Variants in FAM13C observed in about 807,000 individuals in gnomAD.
The protein encoded by FAM13C is protein FAM13C.
In FAM13C, 37 loss-of-function variants were observed where a neutral mutation model predicts 73.2. The observed-to-expected ratio is 0.51, with a 90% CI of 0.39 to 0.67. FAM13C has a LOEUF of 0.67. Among genes scored for constraint, FAM13C ranks in the 30% least tolerant of loss-of-function variants. The pLI is 0.00. For missense variants in FAM13C, 589 were observed against 715.6 expected, an observed-to-expected ratio of 0.82 and a Z score of 2.02; for synonymous variants, 246 against 260.9, an observed-to-expected ratio of 0.94 and a Z score of 0.55.
chr10:59,278,215 C>T (rs923441666), intron 6 of FAM13C, among the ~76,000 whole-genome samples: 3 of 152,182 alleles, frequency 2.0e-5, no homozygotes, highest in African/African-American at 7.2e-5. Flanking sequence ...GTCCCTCCCA[C>T]AACACATGGG....
At chr10:59,275,362 AAG>A (rs1844207023) in intron 6 of FAM13C, among the ~76,000 whole-genome samples, 1 of 152,174 alleles carries the variant, frequency 6.6e-6, no homozygotes, top group African/African-American at 2.4e-5. Context: ...AAGGAACTCG[AAG>A]AGACAGGACA....
intron 5 of FAM13C, among the ~76,000 whole-genome samples, chr10:59,295,079 C>G (rs1419048803): frequency 6.6e-6 from 1 of 152,238 alleles, no homozygotes; most frequent in Non-Finnish European, 1.5e-5. Context: ...GCACATGCCC[C>G]AAGCCAGATA....
At chr10:59,318,257 C>G (rs1849772219) in intron 4 of FAM13C, among the ~76,000 whole-genome samples, 2 of 138,698 alleles carry the variant, frequency 1.4e-5, no homozygotes, top group Admixed American at 1.4e-4. Flanking sequence ...ATCAAATGAC[C>G]AAGGGTAATC....
chr10:59,316,388 CAAATAT>C (rs1439557460), intron 4 of FAM13C, among the ~76,000 whole-genome samples: 1 of 152,106 alleles, frequency 6.6e-6, no homozygotes, highest in African/African-American at 2.4e-5. Flanking sequence ...GCAATAAATA[CAAATAT>C]AAATCCTATA....
intron 10 of FAM13C, among the ~76,000 whole-genome samples, chr10:59,258,800 C>T (rs1395190807): frequency 1.3e-5 from 2 of 152,032 alleles, no homozygotes; most frequent in Non-Finnish European, 2.9e-5. Flanking sequence ...ACTGTCTTTC[C>T]AACCAACAAC....
At chr10:59,299,753 T>C (rs993643266) in intron 5 of FAM13C, among the ~76,000 whole-genome samples, 1 of 152,128 alleles carries the variant, frequency 6.6e-6, no homozygotes, top group Admixed American at 6.6e-5. Flanking sequence ...ATCTCAAGTC[T>C]AGAATATTTT....
intron 4 of FAM13C, 39 bp from the exon 5 acceptor site, chr10:59,302,903 A>G: frequency 1.3e-6 from 2 of 1,587,050 alleles, no homozygotes; most frequent in Non-Finnish European, 1.7e-6. Flanking sequence ...ATTTAAAAGA[A>G]ACGTTTCAGT....
Position 59,268,687 on chromosome 10 carries a change from G to A in FAM13C, c.808C>T (p.Arg270Trp), listed in dbSNP as rs199908790. The A allele has an allele frequency of 9.1e-5, 147 of 1,611,550 alleles. 1 individual carries two copies. The East Asian group carries it at 1.9e-3, about 21-fold the overall frequency. The stretch of plus-strand genomic sequence containing the variant: ...CCACAGCTGCAGCGTGAAGAACTCC[G>A]CGGCCTGCAGTGATTACAAGGAGGA... ...PPSTQQFMMP[R>W]SSSRCSCGDG... The change falls in exon 8 of 14, where the codon CGG becomes TGG. Residue 270 changes from arginine to tryptophan, a missense_variant. Physicochemically the swap from Arg to Trp is moderately radical, Grantham distance 101 (BLOSUM62 -3). Transcript: ENST00000618804.
intron 1 of FAM13C, among the ~76,000 whole-genome samples, chr10:59,362,072 T>C (rs1384469524): frequency 6.6e-6 from 1 of 152,186 alleles, no homozygotes; most frequent in Admixed American, 6.5e-5. Context: ...CTGACACCAA[T>C]GTTGGCAAAA....
Position 59,271,553 on chromosome 10 carries a change from A to G in FAM13C, c.593-1444T>C, listed in dbSNP as rs1483164708. Among the ~76,000 whole-genome samples, 9 of 152,214 alleles carry G rather than the reference A, an allele frequency of 5.9e-5. No individual in the cohort carries two copies. The East Asian group carries it at 1.7e-3, about 29-fold the overall frequency. On this transcript the variant is annotated intron_variant, in intron 6 of 13. Transcript: ENST00000618804. ...AGGCAAATGGCAGTGCCTCCAGCCCAAGACAAGGTGTAATGGTGTGACTGA... is the reference window on the plus strand; with the variant it reads ...AGGCAAATGGCAGTGCCTCCAGCCCGAGACAAGGTGTAATGGTGTGACTGA...
At chr10:59,301,504 G>A (rs1174018328) in intron 5 of FAM13C, among the ~76,000 whole-genome samples, 2 of 152,122 alleles carry the variant, frequency 1.3e-5, no homozygotes, top group African/African-American at 4.8e-5. Context: ...CTGAGATTTG[G>A]GAATGTTCAA....
chr10:59,292,616 T>G (rs555825901), intron 5 of FAM13C, among the ~76,000 whole-genome samples: 2 of 152,384 alleles, frequency 1.3e-5, no homozygotes, highest in African/African-American at 2.4e-5. Flanking sequence ...ACATGCCATA[T>G]GAAATAACAT....
At chr10:59,260,905 A>G (rs1476043782) in intron 10 of FAM13C, among the ~76,000 whole-genome samples, 3 of 152,192 alleles carry the variant, frequency 2.0e-5, no homozygotes, top group African/African-American at 7.2e-5. Context: ...GAGGAAGTTG[A>G]ATCTCAGAGA....
chr10:59,264,213 A>C, intron 8 of FAM13C, 47 bp from the exon 9 acceptor site: 21 of 811,998 alleles, frequency 2.6e-5, no homozygotes, highest in Non-Finnish European at 4.0e-5. Flanking sequence ...GGAAGGAGGG[A>C]GAGGGTGGGG....
At chr10:59,314,576 G>A (rs1232146228) in intron 4 of FAM13C, among the ~76,000 whole-genome samples, 1 of 152,126 alleles carries the variant, frequency 6.6e-6, no homozygotes, top group African/African-American at 2.4e-5. Context: ...TCAATAGGCT[G>A]GGTTTGGCCA....
At chr10:59,315,783 T>C (rs1054678488) in intron 4 of FAM13C, among the ~76,000 whole-genome samples, 3 of 152,146 alleles carry the variant, frequency 2.0e-5, no homozygotes, top group Non-Finnish European at 2.9e-5. Context: ...TTAAACTGGA[T>C]TGTCTCCAAC....
chr10:59,284,370 C>G (rs2133701761), intron 5 of FAM13C, among the ~76,000 whole-genome samples: 1 of 152,148 alleles, frequency 6.6e-6, no homozygotes, highest in East Asian at 1.9e-4. Context: ...CGAGAAGGTT[C>G]TGCAGGTCTC....
intron 3 of FAM13C, among the ~76,000 whole-genome samples, chr10:59,341,454 G>A (rs541103490): frequency 2.6e-5 from 4 of 152,250 alleles, no homozygotes; most frequent in South Asian, 2.1e-4. Context: ...TTGAGAGGCC[G>A]AGGCGGGCGG....
chr10:59,302,073 T>C (rs1465635383), intron 5 of FAM13C, among the ~76,000 whole-genome samples: 2 of 152,220 alleles, frequency 1.3e-5, no homozygotes, highest in African/African-American at 2.4e-5. Flanking sequence ...ATCAGGTCTT[T>C]TCATTCTCTT....
Sources: gnomAD v4.1 joint callset for allele counts (sites outside exome capture counted in the v4.1 genomes callset) on GRCh38, gnomAD v4.1.1 for gene constraint, MANE v1.5 for transcripts, NCBI Gene and HGNC (gene_info 2026-07-23, HGNC 2026-07-21) for gene names.